Variants in CAPN5 observed in about 807,000 individuals in gnomAD.
CAPN5 encodes calpain 5.
In CAPN5, 54 loss-of-function variants were observed where a neutral mutation model predicts 73.0. That is an observed-to-expected ratio of 0.74 (90% confidence interval 0.59 to 0.93). The LOEUF (loss-of-function observed/expected upper bound fraction) is 0.93, where lower values mean the gene tolerates loss of function less well. Ranked by LOEUF, CAPN5 falls within the 40% of genes least tolerant of loss-of-function variation. CAPN5 has a pLI of 0.00. For synonymous variants in CAPN5, 335 were observed against 356.9 expected, an observed-to-expected ratio of 0.94 and a Z score of 0.69; for missense variants, 785 against 882.9, an observed-to-expected ratio of 0.89 and a Z score of 1.41.
chr11:77,125,018 G>T lies in CAPN5; in HGVS notation c.*1148G>T, dbSNP rs1228901429. The T allele has an allele frequency of 6.6e-6, 1 of 152,196 alleles. No individual in the cohort carries two copies. The highest frequency in any genetic ancestry group is 1.9e-4 in the East Asian group (1 of 5,186). 9.4% of individuals were successfully genotyped at this position (152,196 alleles called of 1,614,324 possible). On this transcript the variant is annotated 3_prime_UTR_variant, in exon 13 of 13. Transcript: ENST00000648180. ...TTGAAAATCTCAATTTTAATCAGGG[G>T]TTTTAAAAGAAAATTGAAAGCCTGA...
At chr11:77,078,697 A>T (rs1194919306) in intron 1 of CAPN5, among the ~76,000 whole-genome samples, 1 of 152,178 alleles carries the variant, frequency 6.6e-6, no homozygotes, top group Non-Finnish European at 1.5e-5. Flanking sequence ...CTACATATAC[A>T]GATATGTATA....
intron 1 of CAPN5, among the ~76,000 whole-genome samples, chr11:77,080,031 C>T (rs1377217516): frequency 3.3e-5 from 5 of 152,036 alleles, no homozygotes; most frequent in African/African-American, 7.3e-5. Context: ...GTTTTGTATA[C>T]GGTTTGAGGT....
At chr11:77,088,807 T>A (rs1468982043) in intron 2 of CAPN5, among the ~76,000 whole-genome samples, 3 of 152,092 alleles carry the variant, frequency 2.0e-5, no homozygotes, top group Non-Finnish European at 4.4e-5. Context: ...AAACCTGAAT[T>A]TCTTGTTGTG....
chr11:77,114,101 G>A, intron 4 of CAPN5, 141 bp from the exon 5 acceptor site: 2 of 677,108 alleles, frequency 3.0e-6, no homozygotes, highest in Non-Finnish European at 2.6e-6. Context: ...CTGGGTTCCA[G>A]TGTTGGCTCC....
At chr11:77,108,960 T>C (rs1555040357) in intron 3 of CAPN5, among the ~76,000 whole-genome samples, 1 of 152,234 alleles carries the variant, frequency 6.6e-6, no homozygotes, top group East Asian at 1.9e-4. Context: ...CCGTTTGTCC[T>C]GTAGGGTTTC....
At chr11:77,092,967 C>T (rs1014659097) in intron 2 of CAPN5, among the ~76,000 whole-genome samples, 40 of 152,136 alleles carry the variant, frequency 2.6e-4, no homozygotes, top group African/African-American at 9.7e-4. Context: ...AAGAGCGAGA[C>T]TGTCTCTAAA....
chr11:77,095,963 G>A (rs567008800), intron 3 of CAPN5, among the ~76,000 whole-genome samples: 43 of 152,328 alleles, frequency 2.8e-4, no homozygotes, highest in Admixed American at 2.4e-3. Flanking sequence ...CTGGCTAATT[G>A]CACTTTGCCT....
At chr11:77,121,050 C>T in intron 10 of CAPN5, 141 bp downstream of exon 10, 1 of 720,226 alleles carries the variant, frequency 1.4e-6, no homozygotes, top group Non-Finnish European at 2.3e-6. Context: ...ATCTCCTTCC[C>T]TTCTCTTCCC....
intron 3 of CAPN5, chr11:77,103,255 T>C (rs782062188): frequency 1.9e-6 from 3 of 1,613,494 alleles, no homozygotes; most frequent in Non-Finnish European, 1.7e-6. Flanking sequence ...CGCAAGGTCA[T>C]GTACTTCCTC....
chr11:77,112,557 T>TG, intron 3 of CAPN5, 32 bp from the exon 4 acceptor site: 1 of 1,546,584 alleles, frequency 6.5e-7, no homozygotes, highest in Non-Finnish European at 8.9e-7. Flanking sequence ...CTCACTGTGT[T>TG]CCCCCATCCT....
At position 77,124,208 on chromosome 11, in the gene CAPN5, C is replaced by T. The variant is rs563998590; in HGVS notation, c.*338C>T. On this transcript the variant is annotated 3_prime_UTR_variant, in exon 13 of 13. Coordinates refer to ENST00000648180, the MANE Select transcript of CAPN5 (RefSeq NM_004055.5). ...CAAGAAGATGTCACTTGTTTACACACGAACTGCCACATCCCCAAGCTCCGT... is the reference window on the plus strand; with the variant it reads ...CAAGAAGATGTCACTTGTTTACACATGAACTGCCACATCCCCAAGCTCCGT... The T allele has an allele frequency of 5.0e-5, 13 of 262,042 alleles. No individual in the cohort carries two copies. Among genetic ancestry groups the T allele is most frequent in the South Asian group, 2.2e-4 (3 of 13,424 alleles). The allele number at this position is 262,042 out of a possible 1,614,324, so 16.2% of individuals were successfully genotyped here.
At chr11:77,108,174 C>G (rs1447004494) in intron 3 of CAPN5, among the ~76,000 whole-genome samples, 1 of 152,218 alleles carries the variant, frequency 6.6e-6, no homozygotes, top group Non-Finnish European at 1.5e-5. Context: ...AGGAAGACTC[C>G]AGCCAGCTTT....
Position 77,102,783 on chromosome 11 carries a change from G to A in CAPN5, c.297+8970G>A, listed in dbSNP as rs546326017. ...CCCTTTGGTGGCCTCTTCTCTCCAC[G>A]GCCCCAGGCTCCAGCCCACTTGGGT... On this transcript the variant is annotated intron_variant, in intron 3 of 12. Transcript: ENST00000648180. The A allele has an allele frequency of 1.9e-4, 282 of 1,468,862 alleles. 1 individual carries two copies. The African/African-American group carries it at 3.3e-3, about 17-fold the overall frequency. 91.0% of individuals were successfully genotyped at this position (1,468,862 alleles called of 1,614,324 possible).
rs1565274819 is a variant in CAPN5, at chr11:77,112,544, C to T, written c.298-45C>T. ...CCCATTTCCTCAGGAAGCCGGACAT[C>T]CCCTCACTGTGTTCCCCCATCCTAT... On this transcript the variant is annotated intron_variant, in intron 3 of 12. Coordinates refer to ENST00000648180, the MANE Select transcript of CAPN5 (RefSeq NM_004055.5). 2 of 1,461,934 alleles carry T rather than the reference C, an allele frequency of 1.4e-6. 1 individual carries two copies. The highest frequency in any genetic ancestry group is 2.3e-5 in the South Asian group (2 of 87,848). 90.6% of individuals were successfully genotyped at this position (1,461,934 alleles called of 1,614,324 possible).
At chr11:77,081,649 A>T (rs1296408797) in intron 1 of CAPN5, among the ~76,000 whole-genome samples, 1 of 152,060 alleles carries the variant, frequency 6.6e-6, no homozygotes, top group African/African-American at 2.4e-5. Flanking sequence ...CAGACCAGTG[A>T]GGTAATGCGG....
intron 2 of CAPN5, among the ~76,000 whole-genome samples, chr11:77,092,501 C>A (rs1281252398): frequency 1.3e-5 from 2 of 152,066 alleles, no homozygotes; most frequent in Non-Finnish European, 2.9e-5. Flanking sequence ...GTACTGGAGC[C>A]CCCCTGGGCT....
intron 2 of CAPN5, 98 bp downstream of exon 2, chr11:77,085,149 C>G (rs1950072401): frequency 3.8e-6 from 4 of 1,050,850 alleles, no homozygotes; most frequent in Non-Finnish European, 5.7e-6. Context: ...GGAGGCATCC[C>G]TGGCCCCAGG....
intron 3 of CAPN5, among the ~76,000 whole-genome samples, chr11:77,104,611 GTCCCA>G (rs1555039575): frequency 6.6e-6 from 1 of 152,248 alleles, no homozygotes; most frequent in African/African-American, 2.4e-5. Flanking sequence ...GCATTGCGCA[GTCCCA>G]GAGAGCCCCC....
chr11:77,095,002 ATGTGACCTCTCAAAGC>A (rs1950193051), intron 3 of CAPN5, among the ~76,000 whole-genome samples: 1 of 152,146 alleles, frequency 6.6e-6, no homozygotes, highest in South Asian at 2.1e-4. Flanking sequence ...CAGAACGGGG[ATGTGACCTCTCAAAGC>A]CACTCCAGGG....
Sources: allele counts gnomAD v4.1 joint callset (sites outside exome capture counted in the v4.1 genomes callset), GRCh38; gene constraint gnomAD v4.1.1; transcripts MANE v1.5; gene names NCBI Gene and HGNC (gene_info 2026-07-23, HGNC 2026-07-21).